Variants in CFAP74 observed in about 807,000 individuals in gnomAD.
CFAP74 encodes cilia- and flagella-associated protein 74.
CFAP74 carries 124 observed loss-of-function variants against 188.9 expected under a neutral mutation model. The observed-to-expected ratio is 0.66, with a 90% confidence interval of 0.57 to 0.76. The LOEUF (loss-of-function observed/expected upper bound fraction) is 0.76. Among genes scored for constraint, CFAP74 ranks in the 30% least tolerant of loss-of-function variants. CFAP74 has a pLI of 0.00. For missense variants in CFAP74, 2,198 were observed against 2,165.2 expected (o/e 1.02, Z -0.30); for synonymous variants, 956 against 916.7 (o/e 1.04, Z -0.77).
Position 1,925,824 on chromosome 1 carries a change from C to T in CFAP74, c.4063G>A (p.Gly1355Ser). 11 of 1,612,686 alleles carry T rather than the reference C, an allele frequency of 6.8e-6. No homozygotes were observed. The highest frequency in any genetic ancestry group is 1.1e-5 in the South Asian group (1 of 91,084). ...ACAGACTCTCCGGCAATCACATAGCCCATGTTGAGGACGCTGCCTTCAATG... is the reference window on the plus strand; with the variant it reads ...ACAGACTCTCCGGCAATCACATAGCTCATGTTGAGGACGCTGCCTTCAATG... ...CSIEGSVLNM[G>S]YVIAGESVSS... The change falls in exon 33 of 39, where the codon GGC becomes AGC. Residue 1355 changes from glycine (G) to serine (S), a missense_variant. Transcript: ENST00000682832.
intron 9 of CFAP74, among the ~76,000 whole-genome samples, chr1:1,971,154 CCTGG>C (rs1655993343): frequency 1.3e-5 from 2 of 150,304 alleles, no homozygotes; most frequent in Admixed American, 6.6e-5. Flanking sequence ...CACATGCACA[CCTGG>C]ACACACATGC....
intron 18 of CFAP74, 159 bp downstream of exon 18, chr1:1,955,532 C>T (rs1268448344): frequency 2.5e-6 from 4 of 1,610,014 alleles, no homozygotes; most frequent in Non-Finnish European, 2.5e-6. Flanking sequence ...CACTTAGTGG[C>T]ACATAAGAAT....
chr1:1,933,800 T>C (rs867119760), intron 25 of CFAP74, among the ~76,000 whole-genome samples: 8 of 152,362 alleles, frequency 5.3e-5, no homozygotes, highest in African/African-American at 1.9e-4. Context: ...TTACCTTTTT[T>C]ATGTCTTTCT....
intron 20 of CFAP74, among the ~76,000 whole-genome samples, chr1:1,945,842 A>AAAAAAGAAC (rs571931194): frequency 6.2e-5 from 9 of 144,090 alleles, no homozygotes; most frequent in Admixed American, 2.1e-4. Flanking sequence ...AAAAAAAAAA[A>AAAAAAGAAC]AAAGAACAAA....
intron 8 of CFAP74, among the ~76,000 whole-genome samples, chr1:1,972,703 G>A (rs1430614313): frequency 1.3e-5 from 2 of 152,246 alleles, no homozygotes; most frequent in Admixed American, 6.5e-5. Flanking sequence ...AAAATTAGCC[G>A]GGCATGGTGG....
intron 32 of CFAP74, 71 bp downstream of exon 32, chr1:1,926,157 G>C: frequency 6.9e-7 from 1 of 1,456,758 alleles, no homozygotes; most frequent in Non-Finnish European, 9.1e-7. Flanking sequence ...TGCCCGCCCC[G>C]GCCAGTGCCT....
intron 2 of CFAP74, among the ~76,000 whole-genome samples, chr1:1,989,176 G>C (rs113863791): frequency 2.7e-3 from 410 of 152,248 alleles, no homozygotes; most frequent in African/African-American, 9.3e-3. Flanking sequence ...GAGAGAGAGA[G>C]TCAGGGACAT....
chr1:1,994,768 C>T (rs759699206), intron 1 of CFAP74, among the ~76,000 whole-genome samples: 5 of 152,162 alleles, frequency 3.3e-5, no homozygotes, highest in Non-Finnish European at 5.9e-5. Flanking sequence ...ACTGAGCATC[C>T]GGTTAAAGAC....
chr1:1,927,946 A>G lies in CFAP74; in HGVS notation c.3388-200T>C. The G allele has an allele frequency of 6.7e-6, 4 of 594,946 alleles. No individual in the cohort carries two copies. The South Asian group carries it at 8.0e-5, about 12-fold the overall frequency. 36.9% of individuals were successfully genotyped at this position (594,946 alleles called of 1,614,324 possible). A position where few individuals can be genotyped will look rare whatever the true frequency, so the allele number is the denominator to read the frequency against. On this transcript the variant is annotated intron_variant, in intron 27 of 38. Transcript: ENST00000682832. ...CACAGACCCCCACAGAGCTGCTCAC[A>G]GACTGTGGCGTCTGCTTCACCAGAG... is the stretch of plus-strand genomic sequence containing the variant.
intron 13 of CFAP74, 110 bp downstream of exon 13, chr1:1,964,778 A>T: frequency 8.6e-7 from 1 of 1,158,300 alleles, no homozygotes; most frequent in Non-Finnish European, 1.2e-6. Flanking sequence ...CGACAGAGTG[A>T]GACTCCATCT....
intron 28 of CFAP74, 22 bp from the exon 29 acceptor site, chr1:1,927,050 G>T (rs947302825): frequency 6.5e-7 from 1 of 1,549,858 alleles, no homozygotes; most frequent in African/African-American, 1.4e-5. Context: ...TCAGAGGCTT[G>T]CGCTCCCGCC....
intron 22 of CFAP74, among the ~76,000 whole-genome samples, chr1:1,941,685 C>T (rs938418063): frequency 1.8e-4 from 28 of 152,188 alleles, no homozygotes; most frequent in Non-Finnish European, 4.4e-5. Flanking sequence ...GCCACCTTAT[C>T]CCGGCAGGTA....
At chr1:1,928,155 G>A (rs1469547470) in intron 27 of CFAP74, among the ~76,000 whole-genome samples, 1 of 150,206 alleles carries the variant, frequency 6.7e-6, no homozygotes, top group Non-Finnish European at 1.5e-5. Context: ...CAAACCCTTG[G>A]GAGGAAGCCA....
At chr1:1,925,752 G>A in intron 33 of CFAP74, 31 bp downstream of exon 33, 1 of 1,595,756 alleles carries the variant, frequency 6.3e-7, no homozygotes, top group Non-Finnish European at 8.6e-7. Flanking sequence ...TGGGAGGCTG[G>A]AGCCAGCACC....
At chr1:1,955,055 GGAAGTGCGGCTCACACC>G in intron 18 of CFAP74, 2 of 1,267,548 alleles carry the variant, frequency 1.6e-6, no homozygotes, top group African/African-American at 1.6e-5. Context: ...GGCTCACACC[GGAAGTGCGGCTCACACC>G]GGAAGTGCGG....
At chr1:1,954,831 GC>G in intron 18 of CFAP74, 1 of 1,140,582 alleles carries the variant, frequency 8.8e-7, no homozygotes, top group Non-Finnish European at 1.1e-6. Context: ...GGCTGGCTAT[GC>G]CCTGTGATGC....
At chr1:1,993,931 G>C (rs900780922) in intron 1 of CFAP74, among the ~76,000 whole-genome samples, 2 of 150,418 alleles carry the variant, frequency 1.3e-5, no homozygotes, top group African/African-American at 2.4e-5. Flanking sequence ...GCAGTGAGCC[G>C]AGATCACACC....
chr1:1,951,332 C>A (rs1654189178), intron 18 of CFAP74, among the ~76,000 whole-genome samples: 1 of 152,164 alleles, frequency 6.6e-6, no homozygotes. Context: ...TGAGACAAAA[C>A]CTGGGTGGGG....
intron 1 of CFAP74, among the ~76,000 whole-genome samples, chr1:2,002,355 T>G (rs140795249): frequency 0.011 from 1,711 of 151,414 alleles, 38 homozygotes; most frequent in African/African-American, 0.039. Flanking sequence ...CTTTAAAATT[T>G]TATATAAATA....
Sources: allele counts gnomAD v4.1 joint callset (sites outside exome capture counted in the v4.1 genomes callset), GRCh38; gene constraint gnomAD v4.1.1; transcripts MANE v1.5; gene names NCBI Gene and HGNC (gene_info 2026-07-23, HGNC 2026-07-21).